SLC30A6: variants seen among roughly 807,000 people sequenced by gnomAD.
The protein encoded by SLC30A6 is solute carrier family 30 member 6.
In SLC30A6, 55 loss-of-function variants were observed where a neutral mutation model predicts 63.0. The observed-to-expected ratio is 0.87, with a 90% CI of 0.70 to 1.09. SLC30A6 has a LOEUF of 1.09. SLC30A6 is among the 50% of genes least tolerant of loss of function. The pLI is 0.00. For missense variants in SLC30A6, 587 were observed against 549.2 expected, an observed-to-expected ratio of 1.07 and a Z score of -0.69; for synonymous variants, 224 against 186.1, an observed-to-expected ratio of 1.20 and a Z score of -1.66.
rs1686262276 is a variant in SLC30A6, at chr2:32,223,672, AACCACAGCCTAACACCATTT to A, written c.*2961_*2980del. On this transcript the variant is annotated 3_prime_UTR_variant, in exon 14 of 14. Coordinates refer to ENST00000282587, the MANE Select transcript of SLC30A6 (RefSeq NM_017964.5). ...ATTTGAGGTGCCATGAGAATAGGTG[AACCACAGCCTAACACCATTT>A]AGGTTTTTGTGTTTTTTTCAGGCTT... 6.6e-6 allele frequency: 1 copy of A among 152,236 alleles called. No individual in the cohort carries two copies. The allele number at this position is 152,236 out of a possible 1,614,324, so 9.4% of individuals were successfully genotyped here.
chr2:32,206,689 A>T (rs993734380), intron 11 of SLC30A6, among the ~76,000 whole-genome samples, 197 bp from the exon 12 acceptor site: 1 of 152,136 alleles, frequency 6.6e-6, no homozygotes, highest in African/African-American at 2.4e-5. Flanking sequence ...TCTTCAAGAT[A>T]AAAAAACAGG....
Position 32,206,925 on chromosome 2 carries a change from A to G in SLC30A6, c.808A>G (p.Ile270Val). 1 of 1,608,488 alleles carries G rather than the reference A, an allele frequency of 6.2e-7. No individual in the cohort carries two copies. The highest frequency in any genetic ancestry group is 8.5e-7 in the Non-Finnish European group (1 of 1,174,916). Residue 270 changes from isoleucine (I) to valine (V), a missense_variant, in exon 12 of 14, where the codon ATC becomes GTC. By Grantham distance (29) the Ile-to-Val change is conservative. Coordinates refer to ENST00000282587, the MANE Select transcript of SLC30A6 (RefSeq NM_017964.5). ...PHVIGQLDKLIREVSTLDGVL... is the reference protein window; with the variant it reads ...PHVIGQLDKLVREVSTLDGVL... ...TGTTATTGGTCAGTTGGACAAACTC[A>G]TCAGAGAGGTAAGATGGAATAGTAA...
chr2:32,213,562 A>G (rs987558334), intron 13 of SLC30A6, among the ~76,000 whole-genome samples: 1 of 151,942 alleles, frequency 6.6e-6, no homozygotes, highest in Admixed American at 6.6e-5. Flanking sequence ...TGAAGGTCTT[A>G]CACCTTTTAT....
At chr2:32,205,494 G>A (rs1311074685) in intron 11 of SLC30A6, among the ~76,000 whole-genome samples, 1 of 151,940 alleles carries the variant, frequency 6.6e-6, no homozygotes, top group Non-Finnish European at 1.5e-5. Context: ...GTTACTGGAA[G>A]CCCCTGCTAG....
rs561666200 is a variant in SLC30A6 at position 32,203,056 on chromosome 2, A to G, written c.666-1534A>G. 3.1e-6 allele frequency: 4 copies of G among 1,276,302 alleles called. No homozygotes were observed. In the Admixed American group the frequency reaches 5.0e-5, roughly 16 times the overall value. 79.1% of individuals were successfully genotyped at this position (1,276,302 alleles called of 1,614,324 possible). A position where few individuals can be genotyped will look rare whatever the true frequency, so the allele number is the denominator to read the frequency against. The stretch of plus-strand genomic sequence containing the variant: ...ATAAAACAGAATGCCCAGTGTTTAC[A>G]TGGGGACATTGCACAGTCACAAAGA... On this transcript the variant is annotated intron_variant, in intron 10 of 13. Coordinates refer to ENST00000282587, the MANE Select transcript of SLC30A6 (RefSeq NM_017964.5).
At chr2:32,180,635 G>C (rs562245805) in intron 4 of SLC30A6, among the ~76,000 whole-genome samples, 1 of 152,116 alleles carries the variant, frequency 6.6e-6, no homozygotes, top group East Asian at 1.9e-4. Flanking sequence ...GTTTCACCAT[G>C]TTGGCCAGGC....
At chr2:32,205,326 C>T (rs1684660475) in intron 11 of SLC30A6, among the ~76,000 whole-genome samples, 1 of 152,152 alleles carries the variant, frequency 6.6e-6, no homozygotes, top group Non-Finnish European at 1.5e-5. Context: ...GAGACTGAGG[C>T]AGGAGAATTG....
rs549774656 is a variant in SLC30A6, at chr2:32,200,448, G to C, written c.665+2622G>C. On this transcript the variant is annotated intron_variant, in intron 10 of 13. Transcript: ENST00000282587. Reference sequence around the variant, plus strand: ...TGGGGAAAAGATTGAGAAATCGGATGGTTGCTGTGTCTGTGTAGAAAGAAG... The same window carrying C: ...TGGGGAAAAGATTGAGAAATCGGATCGTTGCTGTGTCTGTGTAGAAAGAAG... 4.5e-4 allele frequency among the ~76,000 whole-genome samples: 69 copies of C among 151,724 alleles called. No homozygotes were observed. In the East Asian group the frequency reaches 0.012, roughly 26 times the overall value.
intron 8 of SLC30A6, among the ~76,000 whole-genome samples, chr2:32,196,443 C>T (rs538533365): frequency 6.6e-6 from 1 of 152,148 alleles, no homozygotes; most frequent in South Asian, 2.1e-4. Flanking sequence ...TAATTCTAGC[C>T]AGGTAGGTAC....
chr2:32,217,048 C>T (rs948484686), intron 13 of SLC30A6, among the ~76,000 whole-genome samples: 2 of 151,608 alleles, frequency 1.3e-5, no homozygotes, highest in African/African-American at 4.8e-5. Context: ...GCCACCACGC[C>T]CGGCAAATTT....
chr2:32,220,041 C>T (rs144646699), intron 13 of SLC30A6, among the ~76,000 whole-genome samples, 172 bp from the exon 14 acceptor site: 1 of 152,098 alleles, frequency 6.6e-6, no homozygotes, highest in East Asian at 1.9e-4. Flanking sequence ...TTATTTAACT[C>T]ATTACAATGA....
At chr2:32,176,401 GT>G (rs1360404721) in intron 4 of SLC30A6, among the ~76,000 whole-genome samples, 1 of 152,054 alleles carries the variant, frequency 6.6e-6, no homozygotes, top group Non-Finnish European at 1.5e-5. Flanking sequence ...GCTCACGCCT[GT>G]AATCCCAGCA....
chr2:32,194,845 GA>G (rs1443633719), intron 8 of SLC30A6, among the ~76,000 whole-genome samples: 3 of 152,060 alleles, frequency 2.0e-5, no homozygotes, highest in South Asian at 4.1e-4. Context: ...AGAATTTCTT[GA>G]AAAAAATTCA....
At chr2:32,168,667 A>G (rs1680900579) in intron 1 of SLC30A6, among the ~76,000 whole-genome samples, 1 of 152,162 alleles carries the variant, frequency 6.6e-6, no homozygotes. Context: ...TCTTAATCTA[A>G]TACTTGTTTG....
chr2:32,207,787 G>A (rs1221954169), intron 12 of SLC30A6, among the ~76,000 whole-genome samples: 4 of 131,070 alleles, frequency 3.1e-5, no homozygotes, highest in Admixed American at 9.2e-5. Context: ...TGCAACCTCC[G>A]CCTCCTGAGT....
At chr2:32,203,624 A>G (rs1684485900) in intron 10 of SLC30A6, 2 of 1,581,252 alleles carry the variant, frequency 1.3e-6, no homozygotes, top group African/African-American at 2.7e-5. Flanking sequence ...AAAGAACTTA[A>G]CAGAAAGCTG....
Position 32,220,207 on chromosome 2 carries a change from T to G in SLC30A6, c.886-6T>G, listed in dbSNP as rs1481535590. On this transcript the variant is annotated splice_polypyrimidine_tract_variant and splice_region_variant and intron_variant, in intron 13 of 13. Transcript: ENST00000282587. ...AATCTCTTTGTTATGATTTTGCCCCTTTTAGGCTGGATCAGTGCATGTAAG... is the reference window on the plus strand; with the variant it reads ...AATCTCTTTGTTATGATTTTGCCCCGTTTAGGCTGGATCAGTGCATGTAAG... 3 of 1,607,408 alleles carry G rather than the reference T, an allele frequency of 1.9e-6. No individual in the cohort carries two copies. The highest frequency in any genetic ancestry group is 2.6e-6 in the Non-Finnish European group (3 of 1,175,004).
At chr2:32,182,783 A>T (rs1658643203) in intron 4 of SLC30A6, among the ~76,000 whole-genome samples, 1 of 152,226 alleles carries the variant, frequency 6.6e-6, no homozygotes, top group South Asian at 2.1e-4. Flanking sequence ...TGCAGTTCCA[A>T]ATCCTACTTC....
chr2:32,205,873 G>C (rs1250042625), intron 11 of SLC30A6, among the ~76,000 whole-genome samples: 1 of 151,522 alleles, frequency 6.6e-6, no homozygotes, highest in African/African-American at 2.4e-5. Flanking sequence ...TCACTACATT[G>C]ACCAGGATGG....
Sources: gnomAD v4.1 joint callset for allele counts (sites outside exome capture counted in the v4.1 genomes callset) on GRCh38, gnomAD v4.1.1 for gene constraint, MANE v1.5 for transcripts, NCBI Gene and HGNC (gene_info 2026-07-23, HGNC 2026-07-21) for gene names.